DISC1: variants seen among roughly 807,000 people sequenced by gnomAD.
DISC1 encodes DISC1 scaffold protein.
Under a neutral mutation model 84.5 loss-of-function variants are expected in DISC1, and 57 were observed. That is an observed-to-expected ratio of 0.67 (90% CI 0.55 to 0.84). The LOEUF is 0.84. DISC1 is among the 40% of genes least tolerant of loss of function. The pLI is 0.00. For missense variants in DISC1, 1,000 were observed against 1,057.8 expected, an observed-to-expected ratio of 0.95 and a Z score of 0.76; for synonymous variants, 411 against 415.2, an observed-to-expected ratio of 0.99 and a Z score of 0.12.
intron 6 of DISC1, among the ~76,000 whole-genome samples, chr1:231,780,268 A>G (rs1044970792): frequency 6.6e-6 from 1 of 150,756 alleles, no homozygotes. Context: ...GAAAGAATGA[A>G]AAAAAAAAGA....
chr1:231,956,687 G>A (rs1659566915), intron 9 of DISC1, among the ~76,000 whole-genome samples: 1 of 152,152 alleles, frequency 6.6e-6, no homozygotes, highest in Non-Finnish European at 1.5e-5. Flanking sequence ...AATTCTGTGA[G>A]TCAGGAATTC....
At chr1:231,648,461 G>A (rs1289194990) in intron 1 of DISC1, among the ~76,000 whole-genome samples, 4 of 152,076 alleles carry the variant, frequency 2.6e-5, no homozygotes, top group Admixed American at 6.6e-5. Flanking sequence ...TCGGTTTGCC[G>A]GTATTTTATT....
At position 231,954,233 on chromosome 1, in the gene DISC1, CA is replaced by C. The variant is rs979661152; in HGVS notation, c.1982-4594del. Among the ~76,000 whole-genome samples, 4 of 152,170 alleles carry C rather than the reference CA, an allele frequency of 2.6e-5. No homozygotes were observed. Among genetic ancestry groups the C allele is most frequent in the Non-Finnish European group, 5.9e-5 (4 of 68,036 alleles). Reference sequence around the variant, plus strand: ...ATCAGTGTTAAAGAGGCTGGTCCCACAGCTATCTCTGTGTCCCTGGAAGCCG... The same window carrying C: ...ATCAGTGTTAAAGAGGCTGGTCCCACGCTATCTCTGTGTCCCTGGAAGCCG... On this transcript the variant is annotated intron_variant, in intron 9 of 12. Coordinates refer to ENST00000439617, the MANE Select transcript of DISC1 (RefSeq NM_018662.3). The surrounding 1 kb of genome is among the most constrained non-coding windows in gnomAD (Gnocchi z 4.8).
In DISC1 at chr1:231,773,530, T is replaced by G. The variant is rs546372162; in HGVS notation, c.1634+2460T>G. Among the ~76,000 whole-genome samples the G allele has an allele frequency of 2.6e-5, 4 of 152,170 alleles. No homozygotes were observed. In the South Asian group the frequency reaches 8.3e-4, roughly 32 times the overall value. ...CTCCTGAGTAGCTGGGACTACAGGC[T>G]TGTGCCAGCACACCCAGCTAATTTT... On this transcript the variant is annotated intron_variant, in intron 6 of 12. Coordinates refer to ENST00000439617, the MANE Select transcript of DISC1 (RefSeq NM_018662.3).
intron 8 of DISC1, chr1:231,814,937 AAATAATAATAATAATAAT>A (rs3083698): frequency 5.0e-4 from 71 of 141,452 alleles, no homozygotes; most frequent in African/African-American, 1.7e-3. Flanking sequence ...TTAAAATGTA[AAATAATAATAATAATAAT>A]AATAATAATA....
chr1:231,682,806 G>T (rs1033711789), intron 1 of DISC1, among the ~76,000 whole-genome samples: 1 of 152,224 alleles, frequency 6.6e-6, no homozygotes, highest in Non-Finnish European at 1.5e-5. Flanking sequence ...TTGGTGCAAT[G>T]AACTAAACTA....
chr1:231,841,406 C>A (rs978113042), intron 9 of DISC1, among the ~76,000 whole-genome samples: 1 of 152,320 alleles, frequency 6.6e-6, no homozygotes, highest in South Asian at 2.1e-4. Context: ...CACAGCATTG[C>A]GAGTCACCCC....
chr1:231,972,710 C>A (rs1048394068), intron 10 of DISC1, among the ~76,000 whole-genome samples: 4 of 152,192 alleles, frequency 2.6e-5, no homozygotes, highest in South Asian at 2.1e-4. Context: ...AGCCACTAGA[C>A]CTCACGACAT....
chr1:231,964,221 A>T (rs533501702), intron 10 of DISC1, among the ~76,000 whole-genome samples: 1 of 152,306 alleles, frequency 6.6e-6, no homozygotes, highest in Admixed American at 6.5e-5. Context: ...ATAAACATGT[A>T]TTGAATGAAT....
At chr1:231,909,383 G>A (rs1162952051) in intron 9 of DISC1, among the ~76,000 whole-genome samples, 3 of 152,132 alleles carry the variant, frequency 2.0e-5, no homozygotes, top group Non-Finnish European at 2.9e-5. Flanking sequence ...AGCATGAAGG[G>A]CTGTTGAATT....
intron 3 of DISC1, among the ~76,000 whole-genome samples, chr1:231,718,726 G>A (rs371125890): frequency 5.3e-5 from 8 of 152,216 alleles, no homozygotes; most frequent in African/African-American, 1.4e-4. Flanking sequence ...ATGAGCCACC[G>A]CACCTGGCTG....
At chr1:231,815,678 C>T (rs2080876263) in intron 8 of DISC1, among the ~76,000 whole-genome samples, 1 of 148,904 alleles carries the variant, frequency 6.7e-6, no homozygotes, top group Admixed American at 6.8e-5. Context: ...GTGGAGGTTG[C>T]AGTGAGCTGA....
At chr1:231,722,605 A>G in intron 3 of DISC1, 1 of 1,614,172 alleles carries the variant, frequency 6.2e-7, no homozygotes, top group Non-Finnish European at 8.5e-7. Context: ...CTATTAATGA[A>G]ACTTCCCAAA....
At chr1:232,002,564 T>A (rs1453275108) in intron 10 of DISC1, among the ~76,000 whole-genome samples, 3 of 147,142 alleles carry the variant, frequency 2.0e-5, no homozygotes, top group African/African-American at 7.5e-5. Flanking sequence ...AATAAACAAT[T>A]GATACACGAA....
At chr1:231,860,281 C>A (rs1574298059) in intron 9 of DISC1, among the ~76,000 whole-genome samples, 1 of 152,112 alleles carries the variant, frequency 6.6e-6, no homozygotes, top group African/African-American at 2.4e-5. Flanking sequence ...CATAATAATG[C>A]AGGTTGAGTA....
chr1:231,740,160 A>G (rs2073059957), intron 3 of DISC1, among the ~76,000 whole-genome samples: 1 of 152,176 alleles, frequency 6.6e-6, no homozygotes, highest in Non-Finnish European at 1.5e-5. Flanking sequence ...ACTCTGGGCA[A>G]TACATTTCTG....
At chr1:231,797,759 G>A (rs201081613) in intron 7 of DISC1, among the ~76,000 whole-genome samples, 5 of 151,984 alleles carry the variant, frequency 3.3e-5, no homozygotes, top group Non-Finnish European at 7.4e-5. Context: ...TAATTACTTC[G>A]CTTTTCCATA....
chr1:231,780,769 A>C (rs2077355440), intron 6 of DISC1, among the ~76,000 whole-genome samples: 1 of 93,400 alleles, frequency 1.1e-5, no homozygotes, highest in South Asian at 4.7e-4. Context: ...CCAGATGTCC[A>C]TCAATGATAG....
At chr1:231,746,116 A>G (rs1184161855) in intron 3 of DISC1, among the ~76,000 whole-genome samples, 1 of 152,196 alleles carries the variant, frequency 6.6e-6, no homozygotes, top group African/African-American at 2.4e-5. Context: ...TTTTCTTTAT[A>G]AATTACCCAG....
Sources: gnomAD v4.1 joint callset for allele counts (sites outside exome capture counted in the v4.1 genomes callset) on GRCh38, gnomAD v4.1.1 for gene constraint, Gnocchi (gnomAD v3.1) non-coding constraint, MANE v1.5 for transcripts, NCBI Gene and HGNC (gene_info 2026-07-23, HGNC 2026-07-21) for gene names.